The following AGMO variants were observed in gnomAD, a reference collection of about 807,000 sequenced individuals.
AGMO encodes alkylglycerol monooxygenase.
A neutral mutation model predicts 60.2 loss-of-function variants in AGMO; 75 were observed. The ratio of observed to expected loss-of-function variants is 1.25; its 90% CI spans 1.03 to 1.51. The LOEUF (loss-of-function observed/expected upper bound fraction) is 1.51, where lower values mean the gene tolerates loss of function less well. AGMO is among the 40% of genes most tolerant of loss of function. AGMO has a pLI of 0.00. For missense variants in AGMO, 763 were observed against 525.5 expected, an observed-to-expected ratio of 1.45 and a Z score of -4.42; for synonymous variants, 261 against 177.1, an observed-to-expected ratio of 1.47 and a Z score of -3.76.
intron 12 of AGMO, among the ~76,000 whole-genome samples, chr7:15,339,192 C>A (rs980083615): frequency 6.6e-6 from 1 of 152,092 alleles, no homozygotes; most frequent in Non-Finnish European, 1.5e-5. Flanking sequence ...TATCCCAGAT[C>A]ATGAGTACTA....
the AGMO span, among the ~76,000 whole-genome samples, chr7:15,159,836 A>G: frequency 6.6e-6 from 1 of 152,190 alleles, no homozygotes; most frequent in Non-Finnish European, 1.5e-5. Context: ...ATTTGCTTCT[A>G]GTGACAAAGG....
chr7:15,287,560 G>C (rs192271123), intron 12 of AGMO, among the ~76,000 whole-genome samples: 8 of 152,212 alleles, frequency 5.3e-5, no homozygotes, highest in Non-Finnish European at 8.8e-5. Context: ...ATAGATTTCA[G>C]TCAATTTATG....
chr7:15,395,610 CAAAG>C (rs945881261), intron 5 of AGMO, among the ~76,000 whole-genome samples: 3 of 151,768 alleles, frequency 2.0e-5, no homozygotes, highest in Non-Finnish European at 4.4e-5. Context: ...AATGAAAAAA[CAAAG>C]AAAAAAGGAC....
intron 12 of AGMO, among the ~76,000 whole-genome samples, chr7:15,277,412 G>C (rs1476129643): frequency 4.6e-5 from 7 of 152,110 alleles, no homozygotes; most frequent in African/African-American, 1.7e-4. Flanking sequence ...GAGCTATTCT[G>C]ATCCTTTGGT....
At chr7:15,402,183 T>G (rs989647493) in intron 5 of AGMO, among the ~76,000 whole-genome samples, 5 of 152,272 alleles carry the variant, frequency 3.3e-5, no homozygotes, top group African/African-American at 1.2e-4. Context: ...CAATTCAGTG[T>G]AAGCCAAGTC....
chr7:15,297,971 G>C (rs935933740), intron 12 of AGMO, among the ~76,000 whole-genome samples: 1 of 152,138 alleles, frequency 6.6e-6, no homozygotes, highest in Non-Finnish European at 1.5e-5. Context: ...TAGTCCATTT[G>C]TAAGATCATT....
At chr7:15,241,270 C>T (rs931380264) in intron 12 of AGMO, among the ~76,000 whole-genome samples, 29 of 151,358 alleles carry the variant, frequency 1.9e-4, no homozygotes, top group African/African-American at 6.6e-4. Context: ...ACCATCCTGG[C>T]TAACACGGTG....
intron 12 of AGMO, among the ~76,000 whole-genome samples, chr7:15,329,116 C>G (rs558465150): frequency 6.6e-6 from 1 of 152,152 alleles, no homozygotes; most frequent in Non-Finnish European, 1.5e-5. Flanking sequence ...ATTGGACTTA[C>G]CACTATGTGC....
intron 3 of AGMO, among the ~76,000 whole-genome samples, chr7:15,454,435 T>G (rs188162907): frequency 1.3e-5 from 2 of 152,104 alleles, no homozygotes; most frequent in East Asian, 3.9e-4. Flanking sequence ...ATATGTTAAT[T>G]AGTTTGACTG....
intron 12 of AGMO, among the ~76,000 whole-genome samples, chr7:15,264,855 C>G (rs1385129382): frequency 6.6e-6 from 1 of 151,988 alleles, no homozygotes; most frequent in Non-Finnish European, 1.5e-5. Flanking sequence ...AGTTCAGTCA[C>G]TGTGGAAAGC....
At chr7:15,519,485 AGAGT>A (rs1283057402) in intron 3 of AGMO, among the ~76,000 whole-genome samples, 1 of 152,214 alleles carries the variant, frequency 6.6e-6, no homozygotes, top group Non-Finnish European at 1.5e-5. Context: ...TAGCCAGAAG[AGAGT>A]GAGGGCCAAC....
chr7:15,383,979 A>C (rs1664612269), intron 10 of AGMO, among the ~76,000 whole-genome samples: 1 of 151,950 alleles, frequency 6.6e-6, no homozygotes, highest in Non-Finnish European at 1.5e-5. Flanking sequence ...TCTGTCCCCC[A>C]GGCTGGAGTG....
At chr7:15,450,107 C>T (rs936374136) in intron 3 of AGMO, among the ~76,000 whole-genome samples, 1 of 152,106 alleles carries the variant, frequency 6.6e-6, no homozygotes, top group Non-Finnish European at 1.5e-5. Context: ...TAATTGATTG[C>T]ATCAACTAAA....
At chr7:15,364,803 T>C (rs188139079) in intron 12 of AGMO, among the ~76,000 whole-genome samples, 2 of 152,106 alleles carry the variant, frequency 1.3e-5, no homozygotes, top group African/African-American at 2.4e-5. Context: ...AGTATTTATG[T>C]TTAATGCTTA....
At chr7:15,187,905 C>CA in the AGMO span, among the ~76,000 whole-genome samples, 4 of 151,944 alleles carry the variant, frequency 2.6e-5, no homozygotes, top group South Asian at 2.1e-4. Context: ...TAACTCCCCC[C>CA]CGACTGCCCA....
At chr7:15,173,505 G>C in the AGMO span, among the ~76,000 whole-genome samples, 1 of 151,988 alleles carries the variant, frequency 6.6e-6, no homozygotes, top group Non-Finnish European at 1.5e-5. Context: ...TAAATTGTCT[G>C]TCTGGTCCCT....
At chr7:15,310,429 T>C (rs1199344579) in intron 12 of AGMO, among the ~76,000 whole-genome samples, 2 of 152,182 alleles carry the variant, frequency 1.3e-5, no homozygotes, top group African/African-American at 2.4e-5. Context: ...AATTTTGTCT[T>C]TTAGCTTTAA....
intron 6 of AGMO, among the ~76,000 whole-genome samples, chr7:15,391,452 G>A (rs1017798680): frequency 2.2e-4 from 33 of 151,818 alleles, no homozygotes; most frequent in African/African-American, 7.2e-4. Context: ...TTTTCCTGCC[G>A]CTAAATAATT....
intron 3 of AGMO, among the ~76,000 whole-genome samples, chr7:15,524,129 T>C (rs1401567438): frequency 6.6e-6 from 1 of 152,008 alleles, no homozygotes; most frequent in Non-Finnish European, 1.5e-5. Context: ...TTTTCAATGT[T>C]AGACAATAGA....
Sources: gnomAD v4.1 joint callset for allele counts (sites outside exome capture counted in the v4.1 genomes callset) on GRCh38, gnomAD v4.1.1 for gene constraint, MANE v1.5 for transcripts, NCBI Gene and HGNC (gene_info 2026-07-23, HGNC 2026-07-21) for gene names.